Variants in DLEC1 observed in about 807,000 individuals in gnomAD.
The protein encoded by DLEC1 is DLEC1 cilia and flagella associated protein, also known as deleted in lung and esophageal cancer protein 1.
Under a neutral mutation model 198.1 loss-of-function variants are expected in DLEC1, and 146 were observed. That is an observed-to-expected ratio of 0.74 (90% confidence interval 0.64 to 0.85). DLEC1 has a LOEUF of 0.85. Ranked by LOEUF, DLEC1 falls within the 40% of genes least tolerant of loss-of-function variation. DLEC1 has a pLI of 0.00. For missense variants in DLEC1, 2,233 were observed against 2,220.0 expected, an observed-to-expected ratio of 1.01 and a Z score of -0.12; for synonymous variants, 897 against 866.8, an observed-to-expected ratio of 1.03 and a Z score of -0.61.
At chr3:38,046,208 T>TTG (rs377125479) in intron 2 of DLEC1, among the ~76,000 whole-genome samples, 3 of 151,918 alleles carry the variant, frequency 2.0e-5, no homozygotes, top group African/African-American at 4.8e-5. Context: ...CTGGGCAGAT[T>TTG]TGTGTGTGTG....
At chr3:38,056,053 T>C (rs1432907683) in intron 2 of DLEC1, among the ~76,000 whole-genome samples, 1 of 145,432 alleles carries the variant, frequency 6.9e-6, no homozygotes, top group Non-Finnish European at 1.5e-5. Flanking sequence ...ATCTGATCTC[T>C]ACAAAAAATA....
chr3:38,089,238 C>T (rs1559436034), intron 10 of DLEC1, among the ~76,000 whole-genome samples: 1 of 152,206 alleles, frequency 6.6e-6, no homozygotes, highest in East Asian at 1.9e-4. Flanking sequence ...ACCTGAGAGA[C>T]CTGGAAACAA....
At position 38,093,812 on chromosome 3, in the gene DLEC1, G is replaced by T. The variant is rs781198921; in HGVS notation, c.1919+45G>T. ...GCCCCAATACCCAACCCTTCTTCTT[G>T]CTTACCTGGCCCTCAGTCCCAGTGA... is the stretch of plus-strand genomic sequence containing the variant. On this transcript the variant is annotated intron_variant, in intron 12 of 36. Coordinates refer to ENST00000308059, the MANE Select transcript of DLEC1 (RefSeq NM_007335.4). 4 of 1,605,312 alleles carry T rather than the reference G, an allele frequency of 2.5e-6. No homozygotes were observed. The East Asian group carries it at 8.9e-5, about 36-fold the overall frequency.
intron 2 of DLEC1, among the ~76,000 whole-genome samples, chr3:38,057,335 A>G (rs1696427049): frequency 6.6e-6 from 1 of 152,240 alleles, no homozygotes; most frequent in South Asian, 2.1e-4. Context: ...TACTAAAAAT[A>G]CAAAACATTA....
intron 19 of DLEC1, among the ~76,000 whole-genome samples, chr3:38,102,970 T>A (rs1299264782): frequency 1.3e-5 from 2 of 152,196 alleles, no homozygotes; most frequent in Non-Finnish European, 2.9e-5. Flanking sequence ...CCAGTCTTTT[T>A]CTTAATTTTC....
intron 2 of DLEC1, among the ~76,000 whole-genome samples, chr3:38,046,447 C>G (rs1186939787): frequency 6.6e-6 from 1 of 152,112 alleles, no homozygotes; most frequent in East Asian, 1.9e-4. Context: ...GGGCAATTCT[C>G]CTGCACACAC....
At position 38,116,991 on chromosome 3, in the gene DLEC1, G is replaced by A. The variant is rs915645; in HGVS notation, c.4196G>A (p.Gly1399Asp). 63 of 1,613,886 alleles carry A rather than the reference G, an allele frequency of 3.9e-5. No individual in the cohort carries two copies. Among genetic ancestry groups the A allele is most frequent in the African/African-American group, 1.6e-4 (12 of 75,024 alleles). The change falls in exon 30 of 37, where the codon GGC (glycine) becomes GAC (aspartate). Residue 1399 changes from glycine to aspartate, a missense_variant. By Grantham distance (94) the Gly-to-Asp change is moderately conservative. Transcript: ENST00000308059. ...SPKQVVVPAG[G>D]SSTIYISFTP... is the part of the protein sequence containing the mutation. ...CTATGCCAGGTGGTCCCTGCTGGGG[G>A]CAGCAGTACCATCTACATCTCCTTC...
intron 3 of DLEC1, among the ~76,000 whole-genome samples, chr3:38,061,380 C>T (rs1159173409): frequency 6.6e-6 from 1 of 151,976 alleles, no homozygotes; most frequent in South Asian, 2.1e-4. Flanking sequence ...AGGGTTTCAC[C>T]ATGTTGGCCA....
At chr3:38,100,628 T>A (rs1699259213) in intron 19 of DLEC1, among the ~76,000 whole-genome samples, 1 of 152,200 alleles carries the variant, frequency 6.6e-6, no homozygotes, top group African/African-American at 2.4e-5. Flanking sequence ...ACTGATAATA[T>A]TATGTATATA....
At chr3:38,083,701 G>A (rs994015405) in intron 6 of DLEC1, among the ~76,000 whole-genome samples, 4 of 152,322 alleles carry the variant, frequency 2.6e-5, no homozygotes, top group South Asian at 2.1e-4. Context: ...GGGATGCAAT[G>A]GCTTAGCTTA....
At chr3:38,082,843 G>A (rs1406844970) in intron 6 of DLEC1, among the ~76,000 whole-genome samples, 2 of 152,314 alleles carry the variant, frequency 1.3e-5, no homozygotes, top group Middle Eastern at 3.4e-3. Flanking sequence ...TCCCTGCGTG[G>A]TCTGACACCT....
chr3:38,084,319 T>A lies in DLEC1; in HGVS notation c.1261+74T>A, dbSNP rs887770057. 83 of 1,371,128 alleles carry A rather than the reference T, an allele frequency of 6.1e-5. 1 individual carries two copies. Among genetic ancestry groups the A allele is most frequent in the Admixed American group, 4.8e-4 (28 of 57,844 alleles). The allele number at this position is 1,371,128 out of a possible 1,614,324, so 84.9% of individuals were successfully genotyped here. A position where few individuals can be genotyped will look rare whatever the true frequency, so the allele number is the denominator to read the frequency against. Reference sequence around the variant, plus strand: ...GTGGTATTAGTAGTAATAGTAGTAGTGGTGGTAGTAATGGTAGCAATGATA... The same window carrying A: ...GTGGTATTAGTAGTAATAGTAGTAGAGGTGGTAGTAATGGTAGCAATGATA... On this transcript the variant is annotated intron_variant, in intron 7 of 36. Transcript: ENST00000308059.
chr3:38,110,133 C>T lies in DLEC1; in HGVS notation c.3295C>T (p.Arg1099Cys), dbSNP rs757769224. The change falls in exon 23 of 37, where the codon CGC becomes TGC. Residue 1099 changes from arginine (R) to cysteine (C), a missense_variant. By Grantham distance (180) the Arg-to-Cys change is radical. Coordinates refer to ENST00000308059, the MANE Select transcript of DLEC1 (RefSeq NM_007335.4). ...EQWPGHPKEL[R>C]LDFGSAVPLR... ...GTGGCCAGGCCACCCAAAGGAGCTC[C>T]GCCTGGACTTTGGCTCAGCGGTGCC... 6.2e-6 allele frequency: 10 copies of T among 1,614,014 alleles called. No homozygotes were observed. The highest frequency in any genetic ancestry group is 1.7e-5 in the Admixed American group (1 of 60,000).
intron 6 of DLEC1, among the ~76,000 whole-genome samples, chr3:38,078,444 T>G (rs765613167): frequency 1.4e-4 from 21 of 152,158 alleles, no homozygotes; most frequent in Non-Finnish European, 2.5e-4. Context: ...CTGGCTCTTG[T>G]GTAAGAAATC....
intron 1 of DLEC1, among the ~76,000 whole-genome samples, chr3:38,043,349 T>A (rs1318047628): frequency 6.6e-6 from 1 of 152,236 alleles, no homozygotes; most frequent in African/African-American, 2.4e-5. Context: ...TAAGTGATAG[T>A]TGGTCTTGTT....
chr3:38,076,265 T>G (rs973315082), intron 6 of DLEC1, among the ~76,000 whole-genome samples: 30 of 152,192 alleles, frequency 2.0e-4, no homozygotes, highest in Non-Finnish European at 3.8e-4. Context: ...CTCATCGGTC[T>G]GAGGACCTGA....
chr3:38,085,131 C>G (rs1235250599), intron 7 of DLEC1, 143 bp from the exon 8 acceptor site: 1 of 873,902 alleles, frequency 1.1e-6, no homozygotes, highest in African/African-American at 1.7e-5. Context: ...CTCGCATGCC[C>G]TTTTCCTGCC....
At chr3:38,104,123 A>C (rs969234415) in intron 19 of DLEC1, among the ~76,000 whole-genome samples, 3 of 152,182 alleles carry the variant, frequency 2.0e-5, no homozygotes, top group African/African-American at 7.2e-5. Flanking sequence ...TAATAACATG[A>C]GGTATGTTTG....
Position 38,080,769 on chromosome 3 carries a change from C to T in DLEC1, c.1174-3389C>T, listed in dbSNP as rs551964245. On this transcript the variant is annotated intron_variant, in intron 6 of 36. Coordinates refer to ENST00000308059, the MANE Select transcript of DLEC1 (RefSeq NM_007335.4). ...GGAGGCAAACACAGAGAGAAGAGAG[C>T]GTAGAGACACGGAGGGAAGGGGTTC... 3.2e-3 allele frequency among the ~76,000 whole-genome samples: 455 copies of T among 144,364 alleles called. 2 individuals are homozygous for T. Among genetic ancestry groups the T allele is most frequent in the Non-Finnish European group, 5.3e-3 (356 of 66,976 alleles). The allele number at this position is 144,364 out of a possible 152,430, so 94.7% of individuals were successfully genotyped here.
Sources: gnomAD v4.1 joint callset for allele counts (sites outside exome capture counted in the v4.1 genomes callset) on GRCh38, gnomAD v4.1.1 for gene constraint, MANE v1.5 for transcripts, NCBI Gene and HGNC (gene_info 2026-07-23, HGNC 2026-07-21) for gene names.